ATAD2B: variants seen among roughly 807,000 people sequenced by gnomAD.
ATAD2B encodes the protein ATPase family AAA domain-containing protein 2B.
In ATAD2B, 40 loss-of-function variants were observed where a neutral mutation model predicts 167.6. The ratio of observed to expected loss-of-function variants is 0.24; its 90% confidence interval spans 0.19 to 0.31. The LOEUF (loss-of-function observed/expected upper bound fraction) is 0.31. Among genes scored for constraint, ATAD2B ranks in the 10% least tolerant of loss-of-function variants. The pLI is 1.00. For synonymous variants in ATAD2B, 579 were observed against 596.5 expected (o/e 0.97, Z 0.43); for missense variants, 1,242 against 1,757.2 (o/e 0.71, Z 5.24).
Position 23,762,255 on chromosome 2 carries a change from T to C in ATAD2B, c.3348A>G (p.Gln1116=), listed in dbSNP as rs1195456260. Reference sequence around the variant, plus strand: ...TGTGCCACACATCCATTGGATTTCTTTGTTTGTGCCGAAATGCCTCTTCGA... The same window carrying C: ...TGTGCCACACATCCATTGGATTTCTCTGTTTGTGCCGAAATGCCTCTTCGA... The part of the protein sequence containing the change: ...TRVEEAFRHK[Q]RNPMDVWHNS... The change falls in exon 24 of 28, where the codon CAA becomes CAG. Residue 1116 remains glutamine (Q), a synonymous_variant. Transcript: ENST00000238789. 1.9e-6 allele frequency: 3 copies of C among 1,613,662 alleles called. No individual in the cohort carries two copies. Among genetic ancestry groups the C allele is most frequent in the African/African-American group, 2.7e-5 (2 of 75,026 alleles).
At chr2:23,755,649 T>A (rs927417632) in intron 25 of ATAD2B, among the ~76,000 whole-genome samples, 10 of 152,166 alleles carry the variant, frequency 6.6e-5, no homozygotes, top group Non-Finnish European at 1.2e-4. Context: ...ATTAAGTGTC[T>A]CAATGCAGGG....
intron 23 of ATAD2B, among the ~76,000 whole-genome samples, chr2:23,765,114 A>C (rs1168081142): frequency 3.3e-5 from 5 of 152,260 alleles, no homozygotes; most frequent in African/African-American, 4.8e-5. Context: ...ACAAAATTGC[A>C]TATAAATTTC....
chr2:23,919,881 TG>T (rs960813610), intron 1 of ATAD2B, among the ~76,000 whole-genome samples: 29 of 148,778 alleles, frequency 1.9e-4, no homozygotes, highest in Non-Finnish European at 4.0e-4. Flanking sequence ...CCAGGCACAG[TG>T]GCTCACACCT....
chr2:23,890,432 A>G (rs1312006121), intron 2 of ATAD2B, among the ~76,000 whole-genome samples: 1 of 152,198 alleles, frequency 6.6e-6, no homozygotes, highest in African/African-American at 2.4e-5. Flanking sequence ...CTCCAGGTAT[A>G]TGAGTGTGAC....
intron 24 of ATAD2B, among the ~76,000 whole-genome samples, chr2:23,760,555 T>C (rs1277714820): frequency 6.6e-6 from 1 of 151,320 alleles, no homozygotes; most frequent in Non-Finnish European, 1.5e-5. Context: ...CCCAGTAGCT[T>C]GGGAAGCTGA....
chr2:23,693,735 C>T, the ATAD2B span, among the ~76,000 whole-genome samples: 4,963 of 152,308 alleles, frequency 0.033, 101 homozygotes, highest in South Asian at 0.086. Context: ...AGACCCAAGT[C>T]GGCCAAGAGC....
chr2:23,824,090 G>A (rs12328046), intron 15 of ATAD2B, among the ~76,000 whole-genome samples: 146,348 of 152,246 alleles, frequency 0.96, 70,334 homozygotes, highest in East Asian at 0.99. Context: ...CTAGGACTAC[G>A]GGCATGTGCC....
intron 6 of ATAD2B, among the ~76,000 whole-genome samples, chr2:23,881,882 C>T (rs947130304): frequency 3.3e-5 from 5 of 152,044 alleles, no homozygotes; most frequent in African/African-American, 9.7e-5. Context: ...TATCACCATG[C>T]TTGGCTAATT....
At chr2:23,816,155 T>C (rs549217327) in intron 17 of ATAD2B, among the ~76,000 whole-genome samples, 12 of 152,340 alleles carry the variant, frequency 7.9e-5, no homozygotes, top group African/African-American at 1.9e-4. Context: ...GTGCTCAGAA[T>C]TGACAATGGT....
chr2:23,862,333 G>C (rs1694507168), intron 12 of ATAD2B, among the ~76,000 whole-genome samples: 1 of 150,910 alleles, frequency 6.6e-6, no homozygotes, highest in African/African-American at 2.4e-5. Flanking sequence ...AATATATGCT[G>C]CATTGCCAAA....
At chr2:23,823,688 G>A in intron 15 of ATAD2B, 119 bp from the exon 16 acceptor site, 1 of 887,096 alleles carries the variant, frequency 1.1e-6, no homozygotes, top group Non-Finnish European at 1.6e-6. Context: ...CAATAACTAT[G>A]TGCAATTTTA....
At chr2:23,863,626 G>T in intron 11 of ATAD2B, 71 bp from the exon 12 acceptor site, 1 of 1,318,444 alleles carries the variant, frequency 7.6e-7, no homozygotes. Context: ...TTTAAAAAAT[G>T]TCCCCCCCTT....
chr2:23,701,617 G>A, the ATAD2B span, among the ~76,000 whole-genome samples: 2 of 152,026 alleles, frequency 1.3e-5, no homozygotes, highest in South Asian at 4.2e-4. Context: ...GGAGGCTGAG[G>A]TGGGAGAATT....
chr2:23,737,997 GA>G, the ATAD2B span, among the ~76,000 whole-genome samples: 3 of 152,094 alleles, frequency 2.0e-5, no homozygotes, highest in African/African-American at 7.2e-5. Context: ...GAAGTTTAGA[GA>G]AAAAAGAATA....
At chr2:23,900,240 ATTATT>A (rs1305827283) in intron 1 of ATAD2B, among the ~76,000 whole-genome samples, 1 of 150,654 alleles carries the variant, frequency 6.6e-6, no homozygotes, top group Non-Finnish European at 1.5e-5. Flanking sequence ...TTATATTTTT[ATTATT>A]TTATTTTATT....
rs963980269 is a variant in ATAD2B, at chr2:23,750,543, T to G, written c.*1503A>C. On this transcript the variant is annotated 3_prime_UTR_variant, in exon 28 of 28. Transcript: ENST00000238789. ...CTAAAATACAAAAAGCTGAGGTAGC[T>G]CAGAATCTCTGCAGTAGTCCAAGAC... The G allele has an allele frequency of 1.3e-5, 2 of 152,094 alleles. No individual in the cohort carries two copies. The highest frequency in any genetic ancestry group is 2.9e-5 in the Non-Finnish European group (2 of 67,992). 9.4% of individuals were successfully genotyped at this position (152,094 alleles called of 1,614,324 possible).
chr2:23,723,449 A>G, the ATAD2B span, among the ~76,000 whole-genome samples: 1 of 120,460 alleles, frequency 8.3e-6, no homozygotes, highest in Admixed American at 9.1e-5. Flanking sequence ...GGAAGGAGGG[A>G]AGGAGAAAGG....
chr2:23,787,709 A>C (rs1681035109), intron 20 of ATAD2B, among the ~76,000 whole-genome samples: 1 of 152,084 alleles, frequency 6.6e-6, no homozygotes, highest in Non-Finnish European at 1.5e-5. Context: ...TCCTACAAGA[A>C]GGGCTCTAAG....
intron 19 of ATAD2B, among the ~76,000 whole-genome samples, chr2:23,789,055 C>T (rs1187110902): frequency 6.6e-6 from 1 of 151,748 alleles, no homozygotes; most frequent in Non-Finnish European, 1.5e-5. Flanking sequence ...CTTTGTACTC[C>T]CTATCCATTG....
Sources: allele counts gnomAD v4.1 joint callset (sites outside exome capture counted in the v4.1 genomes callset), GRCh38; gene constraint gnomAD v4.1.1; transcripts MANE v1.5; gene names NCBI Gene and HGNC (gene_info 2026-07-23, HGNC 2026-07-21).